The following EPRS1 variants were observed in gnomAD, a reference collection of about 807,000 sequenced individuals.
EPRS1 encodes glutamyl-prolyl-tRNA synthetase 1, also known as bifunctional glutamate/proline--tRNA ligase.
EPRS1 carries 107 observed loss-of-function variants against 188.3 expected under a neutral mutation model. That is an observed-to-expected ratio of 0.57 (90% CI 0.49 to 0.67). The LOEUF is 0.67. Among genes scored for constraint, EPRS1 ranks in the 30% least tolerant of loss-of-function variants. EPRS1 has a pLI of 0.00. For missense variants in EPRS1, 1,577 were observed against 1,802.2 expected (o/e 0.88, Z 2.26); for synonymous variants, 596 against 593.1 (o/e 1.00, Z -0.07).
In EPRS1 at chr1:219,972,101, C is replaced by G; in HGVS notation, c.4291G>C (p.Glu1431Gln). 1 of 1,598,670 alleles carries G rather than the reference C, an allele frequency of 6.3e-7. No homozygotes were observed. Among genetic ancestry groups the G allele is most frequent in the Non-Finnish European group, 8.5e-7 (1 of 1,173,472 alleles). ...KTHMVVANTM[E>Q]DFQKILDSGK... ...GAATCTAGTATCTTCTGAAAGTCTT[C>G]CATTGTATTAGCCACAACCATATGA... Residue 1431 changes from glutamate to glutamine, a missense_variant, in exon 30 of 32, where the codon GAA (glutamate) becomes CAA (glutamine). Transcript: ENST00000366923.
chr1:220,018,085 T>C (rs1480235284), intron 12 of EPRS1: 13 of 1,224,612 alleles, frequency 1.1e-5, no homozygotes, highest in Middle Eastern at 4.4e-4. Context: ...TGTAATATGC[T>C]AAAAGCTATG....
intron 7 of EPRS1, 102 bp downstream of exon 7, chr1:220,025,030 G>A: frequency 8.8e-7 from 1 of 1,139,720 alleles, no homozygotes; most frequent in Non-Finnish European, 1.3e-6. Flanking sequence ...GAAAAAAGCA[G>A]CTATGAGAAC....
At position 220,042,991 on chromosome 1, in the gene EPRS1, T is replaced by C. The variant is rs370985164; in HGVS notation, c.47-2722A>G. Among the ~76,000 whole-genome samples, 67 of 152,158 alleles carry C rather than the reference T, an allele frequency of 4.4e-4. 1 individual carries two copies. The highest frequency in any genetic ancestry group is 1.6e-3 in the African/African-American group (65 of 41,518). On this transcript the variant is annotated intron_variant, in intron 1 of 31. Coordinates refer to ENST00000366923, the MANE Select transcript of EPRS1 (RefSeq NM_004446.3). ...CTACTGTCATAGACAAAAAGATATA[T>C]GAATTTCAGAAGTATTATCCTAGGC...
chr1:220,038,482 C>T lies in EPRS1; in HGVS notation c.131+1703G>A, dbSNP rs556119312. On this transcript the variant is annotated intron_variant, in intron 2 of 31. Transcript: ENST00000366923. ...CCTGGCTCTACTGCAACCTCCGTCT[C>T]GTGGGCTCAGGTGATCATCCTGCCT... Among the ~76,000 whole-genome samples the T allele has an allele frequency of 4.7e-5, 7 of 150,304 alleles. No individual in the cohort carries two copies. The South Asian group carries it at 6.3e-4, about 14-fold the overall frequency.
chr1:220,012,058 G>A (rs1378655339), intron 12 of EPRS1, among the ~76,000 whole-genome samples: 4 of 151,988 alleles, frequency 2.6e-5, no homozygotes, highest in African/African-American at 4.8e-5. Context: ...GAATGATATC[G>A]TGGAAATTCT....
At chr1:219,986,949 C>T (rs1324470232) in intron 20 of EPRS1, among the ~76,000 whole-genome samples, 193 bp downstream of exon 20, 2 of 152,168 alleles carry the variant, frequency 1.3e-5, no homozygotes, top group African/African-American at 4.8e-5. Flanking sequence ...TTCTGAGATT[C>T]TTGAACCAAA....
chr1:220,031,837 T>C (rs891847093), intron 5 of EPRS1, among the ~76,000 whole-genome samples: 5 of 152,158 alleles, frequency 3.3e-5, no homozygotes, highest in Non-Finnish European at 7.4e-5. Flanking sequence ...GTAAAATTAA[T>C]GAGGTTTTAT....
intron 17 of EPRS1, among the ~76,000 whole-genome samples, chr1:219,998,914 A>C (rs963520556): frequency 2.1e-4 from 18 of 86,694 alleles, no homozygotes; most frequent in Admixed American, 1.3e-3. Flanking sequence ...TATGAGTGTA[A>C]CACCAAAAAA....
chr1:220,014,010 C>G (rs886476910), intron 12 of EPRS1, among the ~76,000 whole-genome samples: 3 of 152,116 alleles, frequency 2.0e-5, no homozygotes, highest in African/African-American at 7.2e-5. Flanking sequence ...TTTAAAGGAA[C>G]AAATCCAGAA....
chr1:219,993,750 T>C (rs1338263166), intron 18 of EPRS1, among the ~76,000 whole-genome samples: 1 of 152,118 alleles, frequency 6.6e-6, no homozygotes, highest in Non-Finnish European at 1.5e-5. Flanking sequence ...TTCAATGGAG[T>C]ACCCCACTGT....
At position 219,980,192 on chromosome 1, in the gene EPRS1, C is replaced by G. The variant is rs1238761861; in HGVS notation, c.3604G>C (p.Ala1202Pro). Residue 1202 changes from alanine (A) to proline (P), a missense_variant, in exon 26 of 32, where the codon GCA becomes CCA. Transcript: ENST00000366923. ...TTTCTTCCTTTAACAACAGGAATTG[C>G]CAGGAGTTCTTCATATACCTGAGCA... ...LYAQVYEELL[A>P]IPVVKGRKTE... The G allele has an allele frequency of 6.2e-7, 1 of 1,613,082 alleles. No individual in the cohort carries two copies. Among genetic ancestry groups the G allele is most frequent in the East Asian group, 2.2e-5 (1 of 44,836 alleles).
intron 28 of EPRS1, among the ~76,000 whole-genome samples, chr1:219,976,234 A>C (rs913816967): frequency 6.6e-6 from 1 of 152,220 alleles, no homozygotes; most frequent in Non-Finnish European, 1.5e-5. Flanking sequence ...TGAATTAGCT[A>C]ATAGAAAGGC....
At chr1:220,035,644 T>A (rs559935852) in intron 2 of EPRS1, among the ~76,000 whole-genome samples, 4 of 144,386 alleles carry the variant, frequency 2.8e-5, no homozygotes, top group African/African-American at 1.0e-4. Context: ...GCCTGGCTAA[T>A]ATGGTAAAAC....
chr1:220,011,677 G>C (rs1191895843), intron 12 of EPRS1, among the ~76,000 whole-genome samples: 2 of 152,150 alleles, frequency 1.3e-5, no homozygotes, highest in Non-Finnish European at 2.9e-5. Flanking sequence ...GTCTCATATA[G>C]GTAATCAATA....
chr1:219,992,247 T>C (rs924116298), intron 18 of EPRS1, among the ~76,000 whole-genome samples: 2 of 152,172 alleles, frequency 1.3e-5, no homozygotes, highest in African/African-American at 4.8e-5. Flanking sequence ...AGAGCAAAGA[T>C]TGGCAAGATG....
At chr1:219,994,027 A>G (rs995560677) in intron 18 of EPRS1, among the ~76,000 whole-genome samples, 3 of 152,194 alleles carry the variant, frequency 2.0e-5, no homozygotes, top group Non-Finnish European at 4.4e-5. Flanking sequence ...TACTACTATT[A>G]GCATTCGGAG....
chr1:219,988,056 T>C (rs918858966), intron 19 of EPRS1, among the ~76,000 whole-genome samples: 1 of 152,192 alleles, frequency 6.6e-6, no homozygotes, highest in African/African-American at 2.4e-5. Context: ...GATGAGATAA[T>C]GGTTATCAAG....
chr1:219,976,070 AAAG>A (rs921046899), intron 28 of EPRS1, among the ~76,000 whole-genome samples: 13 of 152,210 alleles, frequency 8.5e-5, no homozygotes, highest in African/African-American at 2.4e-4. Flanking sequence ...GGAAGTGCTT[AAAG>A]AATGATGGAG....
chr1:219,979,427 T>C lies in EPRS1; in HGVS notation c.3900A>G (p.Ala1300=). The C allele has an allele frequency of 6.2e-7, 1 of 1,611,646 alleles. No homozygotes were observed. The highest frequency in any genetic ancestry group is 2.2e-5 in the East Asian group (1 of 44,806). ...NMGLVLPPRV[A]CVQVVIIPCG... The stretch of plus-strand genomic sequence containing the variant: ...GGAATATTTTCCTTACCTGAACACA[T>C]GCTACACGGGGTGGTAATACTAAAC... Residue 1300 remains alanine (A), a synonymous_variant, in exon 27 of 32, where the codon GCA becomes GCG. Coordinates refer to ENST00000366923, the MANE Select transcript of EPRS1 (RefSeq NM_004446.3).
Sources: allele counts gnomAD v4.1 joint callset (sites outside exome capture counted in the v4.1 genomes callset), GRCh38; gene constraint gnomAD v4.1.1; transcripts MANE v1.5; gene names NCBI Gene and HGNC (gene_info 2026-07-23, HGNC 2026-07-21).